Variants in CREBBP observed in about 807,000 individuals in gnomAD.
CREBBP encodes CREB binding lysine acetyltransferase.
A neutral mutation model predicts 265.0 loss-of-function variants in CREBBP; 19 were observed. The observed-to-expected ratio is 0.07, with a 90% confidence interval of 0.05 to 0.11. The LOEUF (loss-of-function observed/expected upper bound fraction) is 0.11, where lower values mean the gene tolerates loss of function less well. CREBBP is among the 10% of genes least tolerant of loss of function. The probability of loss-of-function intolerance (pLI) is 1.00; values close to 1 mark genes in which losing one functional copy is unlikely to be tolerated. For missense variants in CREBBP, 2,525 were observed against 3,219.0 expected (o/e 0.78, Z 5.22); for synonymous variants, 1,457 against 1,223.7 (o/e 1.19, Z -3.98).
intron 21 of CREBBP, among the ~76,000 whole-genome samples, chr16:3,747,778 T>C (rs1263092918): frequency 6.6e-6 from 1 of 152,048 alleles, no homozygotes; most frequent in Non-Finnish European, 1.5e-5. Flanking sequence ...CTGGTCAAGA[T>C]GGTGAAACCT....
chr16:3,782,908 G>C lies in CREBBP; in HGVS notation c.1349C>G (p.Ala450Gly). 2 of 1,614,192 alleles carry C rather than the reference G, an allele frequency of 1.2e-6. No homozygotes were observed. Among genetic ancestry groups the C allele is most frequent in the Non-Finnish European group, 8.5e-7 (1 of 1,180,034 alleles). Residue 450 changes from alanine (A) to glycine (G), a missense_variant, in exon 6 of 31, where the codon GCT becomes GGT. Coordinates refer to ENST00000262367, the MANE Select transcript of CREBBP (RefSeq NM_004380.3). ...RNQQTILGSP[A>G]SGIQNTIGSV... is the part of the protein sequence containing the mutation. ...ACCAATTGTGTTTTGAATTCCACTA[G>C]CTGGAGACCCCAGGATGGCTATAAC...
chr16:3,802,114 ATTTTTTTTTTTTTT>A (rs71133657), intron 3 of CREBBP, among the ~76,000 whole-genome samples: 54 of 50,582 alleles, frequency 1.1e-3, no homozygotes, highest in South Asian at 2.3e-3. Flanking sequence ...GTATTCCTTA[ATTTTTTTTTTTTTT>A]TTTTTTTTTT....
chr16:3,820,675 G>A (rs555291786), intron 2 of CREBBP, among the ~76,000 whole-genome samples: 11 of 152,282 alleles, frequency 7.2e-5, no homozygotes, highest in African/African-American at 2.6e-4. Flanking sequence ...ACCAACCTGG[G>A]CAACGTAGCA....
intron 20 of CREBBP, among the ~76,000 whole-genome samples, chr16:3,750,846 A>G (rs1390543260): frequency 3.3e-5 from 5 of 152,218 alleles, no homozygotes; most frequent in Non-Finnish European, 7.3e-5. Context: ...TTAAGTGGAG[A>G]TAAACTAAAT....
At position 3,850,418 on chromosome 16, in the gene CREBBP, T is replaced by C; in HGVS notation, c.677A>G (p.Tyr226Cys). The C allele has an allele frequency of 6.2e-7, 1 of 1,614,198 alleles. No individual in the cohort carries two copies. Residue 226 changes from tyrosine to cysteine, a missense_variant, in exon 2 of 31, where the codon TAC becomes TGC. This residue lies in a region of CREBBP where 356 missense variants were observed against 340.4 expected (regional missense o/e 1.05). Coordinates refer to ENST00000262367, the MANE Select transcript of CREBBP (RefSeq NM_004380.3). ...GGCGCCCTGCATGGCTGGAGTAGGG[T>C]ACGGCATTCCAGCTCCCCTTCCTCT... The part of the protein sequence containing the change: ...AGRGRGAGMP[Y>C]PTPAMQGASS...
At chr16:3,738,428 G>T in intron 26 of CREBBP, 131 bp downstream of exon 26, 2 of 691,254 alleles carry the variant, frequency 2.9e-6, no homozygotes, top group Non-Finnish European at 2.5e-6. Context: ...GAGCTTTGGA[G>T]ATTCTGAATT....
At chr16:3,754,399 T>A (rs1596845640) in intron 19 of CREBBP, among the ~76,000 whole-genome samples, 1 of 152,304 alleles carries the variant, frequency 6.6e-6, no homozygotes, top group East Asian at 1.9e-4. Context: ...TGGAAACACA[T>A]AAAGATTTAG....
rs2051768774 is a variant in CREBBP at position 3,727,278 on chromosome 16, G to C, written c.*440C>G. ...AGTTATCGGGATACATTATAAGCTTGCATTATTTCAGGAATCAGTTCTGAA... is the reference window on the plus strand; with the variant it reads ...AGTTATCGGGATACATTATAAGCTTCCATTATTTCAGGAATCAGTTCTGAA... On this transcript the variant is annotated 3_prime_UTR_variant, in exon 31 of 31. Transcript: ENST00000262367. The C allele has an allele frequency of 3.8e-6, 1 of 264,662 alleles. No individual in the cohort carries two copies. 16.4% of individuals were successfully genotyped at this position (264,662 alleles called of 1,614,324 possible). A position where few individuals can be genotyped will look rare whatever the true frequency, so the allele number is the denominator to read the frequency against.
chr16:3,780,677 TG>T, intron 8 of CREBBP, 54 bp downstream of exon 8: 1 of 1,595,804 alleles, frequency 6.3e-7, no homozygotes, highest in Non-Finnish European at 8.6e-7. Flanking sequence ...TGGTAGCCAA[TG>T]GGCAACACAG....
Position 3,782,470 on chromosome 16 carries a change from A to G in CREBBP, c.1573+214T>C, listed in dbSNP as rs130021. Among the ~76,000 whole-genome samples the G allele has an allele frequency of 0.27, 41,615 of 152,204 alleles. 6,934 individuals are homozygous for G. Among genetic ancestry groups the G allele is most frequent in the South Asian group, 0.41 (1,988 of 4,830 alleles). On this transcript the variant is annotated intron_variant, in intron 6 of 30. Transcript: ENST00000262367. ...AGACAGAAGTGGCACAGCAAGCAAC[A>G]AAAACATTGCTTCATTTGCAAATGC...
intron 23 of CREBBP, chr16:3,741,020 A>C (rs2052191549): frequency 4.1e-6 from 1 of 246,330 alleles, no homozygotes; most frequent in Middle Eastern, 1.5e-3. Context: ...CTCTGGCCAG[A>C]GCCTGTCCGG....
intron 2 of CREBBP, among the ~76,000 whole-genome samples, chr16:3,811,438 T>C (rs140983981): frequency 1.3e-5 from 2 of 152,330 alleles, no homozygotes; most frequent in Non-Finnish European, 2.9e-5. Flanking sequence ...ACCTTGATGA[T>C]GACCCACTTT....
intron 16 of CREBBP, chr16:3,761,595 C>T (rs11076786): frequency 0.11 from 55,630 of 517,814 alleles, 3,638 homozygotes; most frequent in African/African-American, 0.23. Context: ...CCGCAGACAC[C>T]GCCTCCTCTC....
intron 1 of CREBBP, among the ~76,000 whole-genome samples, chr16:3,874,786 T>C (rs1041452249): frequency 1.3e-5 from 2 of 152,196 alleles, no homozygotes; most frequent in Non-Finnish European, 2.9e-5. Flanking sequence ...AAACCATTTG[T>C]TGAGAAATAC....
chr16:3,794,188 T>C (rs1444310235), intron 3 of CREBBP, among the ~76,000 whole-genome samples: 4 of 151,650 alleles, frequency 2.6e-5, no homozygotes, highest in African/African-American at 7.3e-5. Flanking sequence ...ATTAGGACTA[T>C]AGGCGTGGTG....
chr16:3,843,821 C>T (rs1035766128), intron 2 of CREBBP, among the ~76,000 whole-genome samples: 7 of 152,028 alleles, frequency 4.6e-5, no homozygotes, highest in Admixed American at 6.6e-5. Flanking sequence ...ATAGATAATT[C>T]CAAATCGATT....
At chr16:3,735,584 C>A (rs931125282) in intron 28 of CREBBP, among the ~76,000 whole-genome samples, 3 of 152,124 alleles carry the variant, frequency 2.0e-5, no homozygotes, top group African/African-American at 7.2e-5. Context: ...TGTGAGCCAC[C>A]GCGCCTGGCC....
At chr16:3,770,226 G>C (rs1437039149) in intron 14 of CREBBP, among the ~76,000 whole-genome samples, 2 of 151,870 alleles carry the variant, frequency 1.3e-5, no homozygotes, top group African/African-American at 4.8e-5. Flanking sequence ...CTGTTGCCCA[G>C]GCTGGAGTAC....
intron 1 of CREBBP, among the ~76,000 whole-genome samples, chr16:3,858,324 T>C (rs1171567465): frequency 6.6e-6 from 1 of 152,224 alleles, no homozygotes; most frequent in Non-Finnish European, 1.5e-5. Context: ...TCAGGTTTTC[T>C]ACAGCCTCCT....
Sources: gnomAD v4.1 joint callset for allele counts (sites outside exome capture counted in the v4.1 genomes callset) on GRCh38, gnomAD v4.1.1 for gene constraint, gnomAD v4.1.1 regional missense constraint, MANE v1.5 for transcripts, NCBI Gene and HGNC (gene_info 2026-07-23, HGNC 2026-07-21) for gene names.